The following MMP27 variants were observed in gnomAD, a reference collection of about 807,000 sequenced individuals.
MMP27 encodes the protein matrix metallopeptidase 27.
MMP27 carries 51 observed loss-of-function variants against 48.1 expected under a neutral mutation model. The observed-to-expected ratio is 1.06, with a 90% CI of 0.85 to 1.34. MMP27 has a LOEUF of 1.34. Ranked by LOEUF, MMP27 falls within the 40% of genes most tolerant of loss-of-function variation. The pLI is 0.00. For missense variants in MMP27, 698 were observed against 619.3 expected (o/e 1.13, Z -1.35); for synonymous variants, 229 against 208.9 (o/e 1.10, Z -0.83).
intron 9 of MMP27, 38 bp downstream of exon 9, chr11:102,692,900 C>A: frequency 6.5e-7 from 1 of 1,533,248 alleles, no homozygotes; most frequent in South Asian, 1.1e-5. Flanking sequence ...TCAACACAGT[C>A]TCTCAAGTAT....
chr11:102,704,548 G>T lies in MMP27; in HGVS notation c.330C>A (p.Asn110Lys). 2 of 1,612,034 alleles carry T rather than the reference G, an allele frequency of 1.2e-6. No homozygotes were observed. Among genetic ancestry groups the T allele is most frequent in the African/African-American group, 1.3e-5 (1 of 75,004 alleles). ...GYTLPGWRKYNLTYRIINYTP... is the reference protein window; with the variant it reads ...GYTLPGWRKYKLTYRIINYTP... ...GGCAGAAGCATTACCTGTAGGTGAG[G>T]TTGTATTTTCTCCACCCAGGGAGGG... Residue 110 changes from asparagine to lysine, a missense_variant, in exon 2 of 10, where the codon AAC (asparagine) becomes AAA (lysine). Physicochemically the swap from Asn to Lys is moderately conservative, Grantham distance 94. Transcript: ENST00000260229.
Position 102,705,719 on chromosome 11 carries a change from CTCTT to C in MMP27, c.-9_-6del, listed in dbSNP as rs773498598. The C allele has an allele frequency of 1.9e-6, 3 of 1,598,070 alleles. No homozygotes were observed. In the East Asian group the frequency reaches 6.8e-5, roughly 36 times the overall value. On this transcript the variant is annotated 5_prime_UTR_variant, in exon 1 of 10. Coordinates refer to ENST00000260229, the MANE Select transcript of MMP27 (RefSeq NM_022122.3). ...CAGAAGCAGAAGGCGCTTCATTCCT[CTCTT>C]TCTTCAGCTGAAGCCGGTTCTGTTA... is the stretch of plus-strand genomic sequence containing the variant.
At position 102,696,742 on chromosome 11, in the gene MMP27, T is replaced by G; in HGVS notation, c.713A>C (p.Tyr238Ser). ...GTATTTTCTGGGATCCAGGGAGACA[T>G]AATTTGGGAACATCAAGGCTGTTTG... ...NDQTALMFPN[Y>S]VSLDPRKYPL... is the part of the protein sequence containing the mutation. Residue 238 changes from tyrosine (Y) to serine (S), a missense_variant, in exon 5 of 10, where the codon TAT becomes TCT. Physicochemically the swap from Tyr to Ser is moderately radical, Grantham distance 144. Coordinates refer to ENST00000260229, the MANE Select transcript of MMP27 (RefSeq NM_022122.3). 6.2e-7 allele frequency: 1 copy of G among 1,613,926 alleles called. No homozygotes were observed. The highest frequency in any genetic ancestry group is 1.3e-5 in the African/African-American group (1 of 75,052).
intron 6 of MMP27, among the ~76,000 whole-genome samples, chr11:102,695,975 C>T (rs1312924904): frequency 1.3e-5 from 2 of 152,128 alleles, no homozygotes; most frequent in African/African-American, 4.8e-5. Context: ...GATGTAAATA[C>T]TCCAACCATG....
chr11:102,702,153 A>G (rs574106420), intron 4 of MMP27, among the ~76,000 whole-genome samples: 68 of 152,358 alleles, frequency 4.5e-4, no homozygotes, highest in African/African-American at 1.5e-3. Context: ...AAATAAAATA[A>G]ACTTACTTGG....
At chr11:102,703,882 G>A (rs914543224) in intron 2 of MMP27, among the ~76,000 whole-genome samples, 4 of 152,130 alleles carry the variant, frequency 2.6e-5, no homozygotes, top group South Asian at 2.1e-4. Context: ...GATTTTTCTC[G>A]TTTATGTTGC....
At chr11:102,704,035 GAGTC>G (rs1278826792) in intron 2 of MMP27, among the ~76,000 whole-genome samples, 2 of 152,166 alleles carry the variant, frequency 1.3e-5, no homozygotes, top group Non-Finnish European at 2.9e-5. Flanking sequence ...TCCTGCCAAT[GAGTC>G]AGCCTGCCCC....
intron 2 of MMP27, among the ~76,000 whole-genome samples, chr11:102,704,011 A>T (rs549299563): frequency 3.9e-5 from 6 of 152,346 alleles, no homozygotes; most frequent in African/African-American, 1.4e-4. Context: ...GATCAAAGGC[A>T]TACCTCATCC....
intron 4 of MMP27, among the ~76,000 whole-genome samples, chr11:102,698,655 T>C (rs761325819): frequency 6.6e-6 from 1 of 152,260 alleles, no homozygotes; most frequent in Non-Finnish European, 1.5e-5. Flanking sequence ...TATTTTCATA[T>C]TCTGCAAGCT....
In MMP27 at chr11:102,694,193, A is replaced by T. The variant is rs971457087; in HGVS notation, c.1034-128T>A. On this transcript the variant is annotated intron_variant, in intron 7 of 9. Coordinates refer to ENST00000260229, the MANE Select transcript of MMP27 (RefSeq NM_022122.3). ...AGAGATTTAATAATCTTATGTCCAC[A>T]TTCATTCCTACCACTTTCTTTAGCT... 5 of 551,944 alleles carry T rather than the reference A, an allele frequency of 9.1e-6. No homozygotes were observed. The African/African-American group carries it at 9.8e-5, about 11-fold the overall frequency. The allele number at this position is 551,944 out of a possible 1,614,324, so 34.2% of individuals were successfully genotyped here.
At chr11:102,698,652 A>G (rs1448462946) in intron 4 of MMP27, among the ~76,000 whole-genome samples, 1 of 152,108 alleles carries the variant, frequency 6.6e-6, no homozygotes, top group Non-Finnish European at 1.5e-5. Flanking sequence ...TTTTATTTTC[A>G]TATTCTGCAA....
At position 102,695,589 on chromosome 11, in the gene MMP27, C is replaced by A. The variant is rs551998286; in HGVS notation, c.903-492G>T. 2.7e-4 allele frequency among the ~76,000 whole-genome samples: 41 copies of A among 152,294 alleles called. No homozygotes were observed. In the South Asian group the frequency reaches 8.3e-3, roughly 31 times the overall value. The stretch of plus-strand genomic sequence containing the variant: ...CATTTCCCTCCACATACAGGCCACT[C>A]CTCTGTGACATTCATGGTGGGTAGC... On this transcript the variant is annotated intron_variant, in intron 6 of 9. Transcript: ENST00000260229.
At chr11:102,700,173 T>C (rs1369078833) in intron 4 of MMP27, among the ~76,000 whole-genome samples, 1 of 152,224 alleles carries the variant, frequency 6.6e-6, no homozygotes, top group African/African-American at 2.4e-5. Flanking sequence ...TCATAGTGGA[T>C]GTTCAATAAA....
chr11:102,695,330 C>T (rs1028554408), intron 6 of MMP27, among the ~76,000 whole-genome samples: 3 of 152,184 alleles, frequency 2.0e-5, no homozygotes, highest in African/African-American at 7.2e-5. Context: ...GTGGCAAACT[C>T]ATCATGGAAA....
Position 102,704,551 on chromosome 11 carries a change from G to A in MMP27, c.327C>T (p.Tyr109=). 6.2e-7 allele frequency: 1 copy of A among 1,612,646 alleles called. No individual in the cohort carries two copies. The highest frequency in any genetic ancestry group is 8.5e-7 in the Non-Finnish European group (1 of 1,178,774). The change falls in exon 2 of 10, where the codon TAC becomes TAT. Residue 109 remains tyrosine (Y), a synonymous_variant. Coordinates refer to ENST00000260229, the MANE Select transcript of MMP27 (RefSeq NM_022122.3). ...AGAAGCATTACCTGTAGGTGAGGTT[G>A]TATTTTCTCCACCCAGGGAGGGTGT... is the stretch of plus-strand genomic sequence containing the variant. ...YGYTLPGWRK[Y]NLTYRIINYT...
In MMP27 at chr11:102,693,563, G is replaced by T. The variant is rs867277366; in HGVS notation, c.1193+343C>A. Among the ~76,000 whole-genome samples the T allele has an allele frequency of 6.6e-5, 10 of 152,102 alleles. No individual in the cohort carries two copies. In the East Asian group the frequency reaches 1.6e-3, roughly 24 times the overall value. On this transcript the variant is annotated intron_variant, in intron 8 of 9. Transcript: ENST00000260229. ...TTTGAGAGGCCGAGGTGGGTGGATC[G>T]CTTGAGCCCAGGAGTTCGAGACCAG...
chr11:102,701,622 CAAT>C (rs1565428836), intron 4 of MMP27, among the ~76,000 whole-genome samples: 1 of 152,154 alleles, frequency 6.6e-6, no homozygotes, highest in Non-Finnish European at 1.5e-5. Context: ...GCTTGGGTGA[CAAT>C]GTTATCTTAC....
chr11:102,700,339 T>A (rs769851448), intron 4 of MMP27, among the ~76,000 whole-genome samples: 4 of 152,236 alleles, frequency 2.6e-5, no homozygotes, highest in Non-Finnish European at 4.4e-5. Context: ...TATACATTCA[T>A]AGCTTTTCAA....
chr11:102,696,581 C>G, intron 5 of MMP27, 90 bp from the exon 6 acceptor site: 1 of 1,572,006 alleles, frequency 6.4e-7, no homozygotes, highest in South Asian at 1.2e-5. Flanking sequence ...ATATTTGCTT[C>G]ATGATAATAT....
Sources: allele counts gnomAD v4.1 joint callset (sites outside exome capture counted in the v4.1 genomes callset), GRCh38; gene constraint gnomAD v4.1.1; transcripts MANE v1.5; gene names NCBI Gene and HGNC (gene_info 2026-07-23, HGNC 2026-07-21).